Variants in B4GALNT3 observed in about 807,000 individuals in gnomAD.
B4GALNT3 encodes the protein beta-1,4-N-acetylgalactosaminyltransferase 3.
B4GALNT3 carries 86 observed loss-of-function variants against 120.2 expected under a neutral mutation model. The observed-to-expected ratio is 0.72, with a 90% CI of 0.60 to 0.86. The LOEUF (loss-of-function observed/expected upper bound fraction) is 0.86, where lower values mean the gene tolerates loss of function less well. Among genes scored for constraint, B4GALNT3 ranks in the 40% least tolerant of loss-of-function variants. The pLI is 0.00. For missense variants in B4GALNT3, 1,167 were observed against 1,298.9 expected (o/e 0.90, Z 1.56); for synonymous variants, 518 against 510.4 (o/e 1.01, Z -0.20).
chr12:496,421 G>A (rs901266328), intron 1 of B4GALNT3, among the ~76,000 whole-genome samples: 3 of 152,096 alleles, frequency 2.0e-5, no homozygotes, highest in Admixed American at 1.3e-4. Flanking sequence ...CCAACATGGT[G>A]AAACCCCGTA....
chr12:540,954 A>G (rs1193838827), intron 3 of B4GALNT3, among the ~76,000 whole-genome samples: 1 of 152,138 alleles, frequency 6.6e-6, no homozygotes, highest in Non-Finnish European at 1.5e-5. Flanking sequence ...CATGTTAGCC[A>G]GGATGGTCTC....
At chr12:535,437 A>G (rs1246341260) in intron 2 of B4GALNT3, among the ~76,000 whole-genome samples, 168 bp downstream of exon 2, 4 of 152,184 alleles carry the variant, frequency 2.6e-5, no homozygotes, top group South Asian at 2.1e-4. Flanking sequence ...TGAGCCTTAG[A>G]GATGTCCATC....
intron 1 of B4GALNT3, among the ~76,000 whole-genome samples, chr12:495,816 C>G (rs1253899907): frequency 1.3e-5 from 2 of 152,144 alleles, no homozygotes; most frequent in African/African-American, 4.8e-5. Context: ...GTCTGCAGCT[C>G]TGCTGTGTTG....
intron 1 of B4GALNT3, among the ~76,000 whole-genome samples, chr12:510,314 G>A (rs1048516968): frequency 6.6e-6 from 1 of 152,180 alleles, no homozygotes; most frequent in East Asian, 1.9e-4. Flanking sequence ...GGCTTTGTAA[G>A]CAGTGGAATA....
Position 548,676 on chromosome 12 carries a change from G to A in B4GALNT3, c.853+379G>A, listed in dbSNP as rs562283849. Among the ~76,000 whole-genome samples the A allele has an allele frequency of 4.6e-5, 7 of 152,148 alleles. No homozygotes were observed. The highest frequency in any genetic ancestry group is 8.8e-5 in the Non-Finnish European group (6 of 68,028). ...TGTAATCCCAGCACTTTGGGAGGCCGAGGTAGGAGGATTGCTTGAGCCCAG... is the reference window on the plus strand; with the variant it reads ...TGTAATCCCAGCACTTTGGGAGGCCAAGGTAGGAGGATTGCTTGAGCCCAG... On this transcript the variant is annotated intron_variant, in intron 9 of 19. Coordinates refer to ENST00000266383, the MANE Select transcript of B4GALNT3 (RefSeq NM_173593.4). This position sits in a 1 kb window ranked among gnomAD's most constrained non-coding sequence, Gnocchi z 4.9.
intron 1 of B4GALNT3, among the ~76,000 whole-genome samples, chr12:488,687 G>C (rs530360563): frequency 6.6e-6 from 1 of 151,890 alleles, no homozygotes; most frequent in Non-Finnish European, 1.5e-5. Context: ...TTTAACAATG[G>C]CACATGCATG....
intron 11 of B4GALNT3, among the ~76,000 whole-genome samples, chr12:551,661 G>A (rs1482525666): frequency 1.3e-5 from 2 of 152,202 alleles, no homozygotes. Context: ...AAAGGAAGCA[G>A]TGAAGTAAAT....
At chr12:545,738 A>G (rs1946992021) in intron 6 of B4GALNT3, among the ~76,000 whole-genome samples, 1 of 110,010 alleles carries the variant, frequency 9.1e-6, no homozygotes, top group Non-Finnish European at 1.8e-5. Flanking sequence ...GGGAGGAGCG[A>G]GGAGTGGGGA....
intron 1 of B4GALNT3, among the ~76,000 whole-genome samples, chr12:480,265 AGTCC>A: frequency 6.6e-6 from 1 of 152,208 alleles, no homozygotes; most frequent in Non-Finnish European, 1.5e-5. Context: ...AAAAAACATA[AGTCC>A]TTTTTCTCTT....
At chr12:477,029 A>G (rs1214195129) in intron 1 of B4GALNT3, among the ~76,000 whole-genome samples, 1 of 152,192 alleles carries the variant, frequency 6.6e-6, no homozygotes, top group African/African-American at 2.4e-5. Context: ...TAAAAAGGTT[A>G]TCTATTTACC....
Position 553,604 on chromosome 12 carries a change from T to TG in B4GALNT3, c.1683dup (p.Leu562AlafsTer15). ...TGGTGACAGCCCCAGGAAGACTCAG[T>TG]GGCTGAACCAGGTGGAGTCGTACAT... On this transcript the variant is annotated frameshift_variant, in exon 14 of 20. Coordinates refer to ENST00000266383, the MANE Select transcript of B4GALNT3 (RefSeq NM_173593.4). LOFTEE classifies it high-confidence loss of function. 1 of 1,613,978 alleles carries TG rather than the reference T, an allele frequency of 6.2e-7. No homozygotes were observed. The highest frequency in any genetic ancestry group is 8.5e-7 in the Non-Finnish European group (1 of 1,179,896).
rs1422918610 is a variant in B4GALNT3 at position 478,272 on chromosome 12, ATTAGAG to A, written c.169+17728_169+17733del. Among the ~76,000 whole-genome samples, 111 of 47,584 alleles carry A rather than the reference ATTAGAG, an allele frequency of 2.3e-3. 1 individual carries two copies. Among genetic ancestry groups the A allele is most frequent in the Middle Eastern group, 0.032 (2 of 62 alleles). 31.2% of individuals were successfully genotyped at this position (47,584 alleles called of 152,430 possible). On this transcript the variant is annotated intron_variant, in intron 1 of 19. Coordinates refer to ENST00000266383, the MANE Select transcript of B4GALNT3 (RefSeq NM_173593.4). ...CTTTAAAAAAAAAAAAAAAAAAAAA[ATTAGAG>A]GAGGTAAAAAAAAAAAAAATATTCA... is the stretch of plus-strand genomic sequence containing the variant.
chr12:523,232 T>G (rs150671134), intron 1 of B4GALNT3, among the ~76,000 whole-genome samples: 279 of 152,286 alleles, frequency 1.8e-3, no homozygotes, highest in African/African-American at 6.5e-3. Flanking sequence ...AGATGCCTAA[T>G]CGGTTCTAGC....
At chr12:541,923 C>A (rs1178177858) in intron 3 of B4GALNT3, among the ~76,000 whole-genome samples, 1 of 150,444 alleles carries the variant, frequency 6.6e-6, no homozygotes, top group East Asian at 2.0e-4. Context: ...TGCCCTCCCC[C>A]ACTGCCCTCC....
At chr12:486,437 T>A (rs1450706076) in intron 1 of B4GALNT3, among the ~76,000 whole-genome samples, 3 of 152,148 alleles carry the variant, frequency 2.0e-5, no homozygotes, top group Non-Finnish European at 4.4e-5. Flanking sequence ...CTTGAACTCC[T>A]GACCTCATGA....
chr12:529,388 C>T (rs1479966452), intron 1 of B4GALNT3, among the ~76,000 whole-genome samples: 8 of 152,180 alleles, frequency 5.3e-5, no homozygotes, highest in Non-Finnish European at 1.2e-4. Context: ...CTTGCGCCAT[C>T]CGCTGGGTTG....
Position 460,329 on chromosome 12 carries a change from T to A in B4GALNT3, c.-48T>A. 2.0e-6 allele frequency: 2 copies of A among 997,438 alleles called. No individual in the cohort carries two copies. Among genetic ancestry groups the A allele is most frequent in the Non-Finnish European group, 2.4e-6 (2 of 838,904 alleles). 61.8% of individuals were successfully genotyped at this position (997,438 alleles called of 1,614,324 possible). A position where few individuals can be genotyped will look rare whatever the true frequency, so the allele number is the denominator to read the frequency against. ...CGGGGCCCGGCCGGGGGGCGGCGGC[T>A]CGGGGGGTTGGAGCCCGCGCTGGCG... On this transcript the variant is annotated 5_prime_UTR_variant, in exon 1 of 20. Coordinates refer to ENST00000266383, the MANE Select transcript of B4GALNT3 (RefSeq NM_173593.4). The surrounding 1 kb of genome is among the most constrained non-coding windows in gnomAD (Gnocchi z 8.0).
Position 556,777 on chromosome 12 carries a change from T to C in B4GALNT3, c.2291T>C (p.Val764Ala). 2 of 1,613,762 alleles carry C rather than the reference T, an allele frequency of 1.2e-6. No individual in the cohort carries two copies. The highest frequency in any genetic ancestry group is 3.3e-5 in the Admixed American group (2 of 60,004). ...VWDPHNRRRQ[V>A]LNTRAQEPKL... Reference sequence around the variant, plus strand: ...GACCCACACAACCGTAGGAGACAGGTCCTGAATACCCGGGCCCAAGAGCCC... The same window carrying C: ...GACCCACACAACCGTAGGAGACAGGCCCTGAATACCCGGGCCCAAGAGCCC... The change falls in exon 15 of 20, where the codon GTC becomes GCC. Residue 764 changes from valine (V) to alanine (A), a missense_variant. Physicochemically the swap from Val to Ala is moderately conservative, Grantham distance 64. This residue lies in a region of B4GALNT3 where 983 missense variants were observed against 1,102.5 expected (regional missense o/e 0.89). Coordinates refer to ENST00000266383, the MANE Select transcript of B4GALNT3 (RefSeq NM_173593.4).
At chr12:546,266 G>T (rs1179352660) in intron 6 of B4GALNT3, among the ~76,000 whole-genome samples, 5 of 149,006 alleles carry the variant, frequency 3.4e-5, no homozygotes, top group Non-Finnish European at 6.0e-5. Context: ...AAGGAGTGGG[G>T]AGGTGGGAGG....
Sources: gnomAD v4.1 joint callset for allele counts (sites outside exome capture counted in the v4.1 genomes callset) on GRCh38, gnomAD v4.1.1 for gene constraint, gnomAD v4.1.1 regional missense constraint, Gnocchi (gnomAD v3.1) non-coding constraint, MANE v1.5 for transcripts, NCBI Gene and HGNC (gene_info 2026-07-23, HGNC 2026-07-21) for gene names.